Variants in MCPH1 observed in about 807,000 individuals in gnomAD.
MCPH1 encodes microcephalin 1.
A neutral mutation model predicts 84.5 loss-of-function variants in MCPH1; 104 were observed. The ratio of observed to expected loss-of-function variants is 1.23; its 90% CI spans 1.05 to 1.45. The LOEUF is 1.45. MCPH1 is among the 40% of genes most tolerant of loss of function. MCPH1 has a pLI of 0.00. For missense variants in MCPH1, 1,498 were observed against 1,005.7 expected, an observed-to-expected ratio of 1.49 and a Z score of -6.62; for synonymous variants, 514 against 366.8, an observed-to-expected ratio of 1.40 and a Z score of -4.58.
At chr8:6,420,409 T>C (rs1423284034) in intron 3 of MCPH1, among the ~76,000 whole-genome samples, 4 of 152,212 alleles carry the variant, frequency 2.6e-5, no homozygotes, top group Non-Finnish European at 5.9e-5. Flanking sequence ...TGCAGCTGTG[T>C]TGGAATTTGA....
At chr8:6,428,963 T>C (rs1801453137) in intron 3 of MCPH1, among the ~76,000 whole-genome samples, 1 of 152,240 alleles carries the variant, frequency 6.6e-6, no homozygotes. Flanking sequence ...GTTTCAGGTA[T>C]TATCTAGTGA....
intron 9 of MCPH1, among the ~76,000 whole-genome samples, chr8:6,462,352 G>C (rs1442159655): frequency 6.6e-6 from 1 of 152,190 alleles, no homozygotes; most frequent in Non-Finnish European, 1.5e-5. Context: ...GCAGGATATA[G>C]CATCACAAAC....
At chr8:6,433,793 C>G (rs1802214839) in intron 4 of MCPH1, among the ~76,000 whole-genome samples, 1 of 152,040 alleles carries the variant, frequency 6.6e-6, no homozygotes. Flanking sequence ...CTTCTCTTTT[C>G]CAAATGTAAT....
At chr8:6,639,582 G>A (rs972907063) in intron 13 of MCPH1, among the ~76,000 whole-genome samples, 15 of 151,598 alleles carry the variant, frequency 9.9e-5, no homozygotes, top group Non-Finnish European at 1.6e-4. Context: ...AGGATCACTC[G>A]AGGACAGGAA....
At chr8:6,598,198 C>T (rs1045703132) in intron 12 of MCPH1, among the ~76,000 whole-genome samples, 1 of 152,182 alleles carries the variant, frequency 6.6e-6, no homozygotes, top group Non-Finnish European at 1.5e-5. Flanking sequence ...ACCAGAGACT[C>T]CGTGTACCTG....
intron 9 of MCPH1, 61 bp from the exon 10 acceptor site, chr8:6,477,533 T>C (rs1334107234): frequency 3.4e-6 from 5 of 1,464,620 alleles, no homozygotes; most frequent in Non-Finnish European, 3.8e-6. Context: ...TTTATTTCTG[T>C]GGGAAAAATA....
In MCPH1 at chr8:6,447,205, G is replaced by C. The variant is rs555411700; in HGVS notation, c.1825+1658G>C. ...TAAAGATTCATCAATGTTTTAAACT[G>C]TCCACTGTCAGCCCCCTGGGACTCA... On this transcript the variant is annotated intron_variant, in intron 8 of 13. Coordinates refer to ENST00000344683, the MANE Select transcript of MCPH1 (RefSeq NM_024596.5). 1,782 of 985,320 alleles carry C rather than the reference G, an allele frequency of 1.8e-3. 5 individuals are homozygous for C. Among genetic ancestry groups the C allele is most frequent in the Middle Eastern group, 5.2e-3 (10 of 1,914 alleles). The allele number at this position is 985,320 out of a possible 1,614,324, so 61.0% of individuals were successfully genotyped here.
intron 2 of MCPH1, among the ~76,000 whole-genome samples, chr8:6,412,202 C>T (rs748317874): frequency 1.3e-5 from 2 of 152,132 alleles, no homozygotes; most frequent in Non-Finnish European, 2.9e-5. Flanking sequence ...GGAGGGGAGA[C>T]ATGCCCACTG....
At chr8:6,631,594 C>T (rs755285815) in intron 13 of MCPH1, among the ~76,000 whole-genome samples, 1 of 150,970 alleles carries the variant, frequency 6.6e-6, no homozygotes, top group Admixed American at 6.6e-5. Context: ...TAGGAAGATG[C>T]AAATCAAAAC....
intron 7 of MCPH1, among the ~76,000 whole-genome samples, chr8:6,442,515 AC>A (rs1803667433): frequency 6.6e-6 from 1 of 152,348 alleles, no homozygotes; most frequent in South Asian, 2.1e-4. Context: ...AACACAAGGA[AC>A]CTGTTATTGA....
intron 11 of MCPH1, among the ~76,000 whole-genome samples, chr8:6,498,170 A>G (rs1811490355): frequency 6.6e-6 from 1 of 152,370 alleles, no homozygotes; most frequent in Non-Finnish European, 1.5e-5. Context: ...GTAATGTGTC[A>G]CCTACAAGAT....
At chr8:6,628,896 T>C (rs1221718656) in intron 13 of MCPH1, among the ~76,000 whole-genome samples, 2 of 152,264 alleles carry the variant, frequency 1.3e-5, no homozygotes, top group East Asian at 1.9e-4. Flanking sequence ...GGGTTATGAC[T>C]GTAGGAGAGA....
At chr8:6,431,673 A>T in intron 4 of MCPH1, 87 bp downstream of exon 4, 1 of 909,586 alleles carries the variant, frequency 1.1e-6, no homozygotes, top group Non-Finnish European at 1.7e-6. Flanking sequence ...ACTTCTAGAA[A>T]TATATTCAAG....
chr8:6,446,729 A>T, intron 8 of MCPH1: 1 of 985,300 alleles, frequency 1.0e-6, no homozygotes, highest in Non-Finnish European at 1.2e-6. Flanking sequence ...CACCTTGTGT[A>T]TTTTTTAAGC....
At chr8:6,602,795 C>T (rs1376061796) in intron 12 of MCPH1, among the ~76,000 whole-genome samples, 2 of 151,984 alleles carry the variant, frequency 1.3e-5, no homozygotes, top group African/African-American at 4.8e-5. Context: ...TCTGACCTCC[C>T]CACTCTCGGA....
chr8:6,577,411 C>G (rs1190583224), intron 12 of MCPH1, among the ~76,000 whole-genome samples: 2 of 152,254 alleles, frequency 1.3e-5, no homozygotes, highest in African/African-American at 4.8e-5. Context: ...CAGAATAGAT[C>G]GTCCTGGGGT....
chr8:6,626,324 T>C lies in MCPH1; in HGVS notation c.2452+4633T>C, dbSNP rs1832069768. ...ATTTCATCTGCGCCGCGTTGCCTAA[T>C]AACGGGGTTATCGGAAAGGGCATGA... On this transcript the variant is annotated intron_variant, in intron 13 of 13. Coordinates refer to ENST00000344683, the MANE Select transcript of MCPH1 (RefSeq NM_024596.5). 4 of 985,216 alleles carry C rather than the reference T, an allele frequency of 4.1e-6. No individual in the cohort carries two copies. In the African/African-American group the frequency reaches 5.2e-5, roughly 13 times the overall value. 61.0% of individuals were successfully genotyped at this position (985,216 alleles called of 1,614,324 possible).
intron 4 of MCPH1, among the ~76,000 whole-genome samples, chr8:6,432,158 C>T (rs1177802684): frequency 6.6e-6 from 1 of 152,208 alleles, no homozygotes; most frequent in African/African-American, 2.4e-5. Context: ...TTTGTAGAGA[C>T]AGGGTCTTTC....
intron 11 of MCPH1, among the ~76,000 whole-genome samples, chr8:6,497,253 G>A (rs1811339230): frequency 6.6e-6 from 1 of 151,908 alleles, no homozygotes; most frequent in South Asian, 2.1e-4. Flanking sequence ...GGCCGAAGCA[G>A]GTGGATCACT....
Sources: gnomAD v4.1 joint callset for allele counts (sites outside exome capture counted in the v4.1 genomes callset) on GRCh38, gnomAD v4.1.1 for gene constraint, MANE v1.5 for transcripts, NCBI Gene and HGNC (gene_info 2026-07-23, HGNC 2026-07-21) for gene names.